ZBTB47: variants seen among roughly 807,000 people sequenced by gnomAD.
The protein encoded by ZBTB47 is zinc finger and BTB domain-containing protein 47.
A neutral mutation model predicts 56.6 loss-of-function variants in ZBTB47; 24 were observed. The observed-to-expected ratio is 0.42, with a 90% CI of 0.31 to 0.60. ZBTB47 has a LOEUF of 0.60. ZBTB47 is among the 20% of genes least tolerant of loss of function. The pLI is 0.14. For missense variants in ZBTB47, 829 were observed against 1,032.6 expected (o/e 0.80, Z 2.70); for synonymous variants, 414 against 418.9 (o/e 0.99, Z 0.14).
rs919180428 is a variant in ZBTB47, at chr3:42,663,523, G to A, written c.1738-274G>A. On this transcript the variant is annotated intron_variant, in intron 4 of 5. Coordinates refer to ENST00000232974, the MANE Select transcript of ZBTB47 (RefSeq NM_145166.4). This position sits in a 1 kb window ranked among gnomAD's most constrained non-coding sequence, Gnocchi z 5.1. ...ATCAGGAGGAAGGATGAGGGACCTC[G>A]TGCCTTAAGCATGGGGCTCCCTCTA... is the stretch of plus-strand genomic sequence containing the variant. 1.3e-5 allele frequency among the ~76,000 whole-genome samples: 2 copies of A among 152,026 alleles called. No individual in the cohort carries two copies. The highest frequency in any genetic ancestry group is 6.5e-5 in the Admixed American group (1 of 15,278).
In ZBTB47 at chr3:42,663,789, A is replaced by AC; in HGVS notation, c.1738-3dup. 2.5e-6 allele frequency: 4 copies of AC among 1,606,178 alleles called. 1 individual carries two copies. Among genetic ancestry groups the AC allele is most frequent in the South Asian group, 2.2e-5 (2 of 90,742 alleles). ...TGCCTGGGCCTCACCCCCAAACCCC[A>AC]CCCCCAGAACTGCAATGAGCGCTTC... On this transcript the variant is annotated splice_region_variant and splice_polypyrimidine_tract_variant and intron_variant, in intron 4 of 5. Transcript: ENST00000232974. The surrounding 1 kb of genome is among the most constrained non-coding windows in gnomAD (Gnocchi z 5.1).
upstream of ZBTB47, among the ~76,000 whole-genome samples, chr3:42,653,343 C>A (rs1468266484): frequency 6.6e-6 from 1 of 152,220 alleles, no homozygotes; most frequent in African/African-American, 2.4e-5. Context: ...GGAGATACTG[C>A]TGCAGCTGGA....
Position 42,656,742 on chromosome 3 carries a change from G to C in ZBTB47, c.-81-1533G>C, listed in dbSNP as rs1199399703. On this transcript the variant is annotated intron_variant, in intron 1 of 5. Transcript: ENST00000232974. This position sits in a 1 kb window ranked among gnomAD's most constrained non-coding sequence, Gnocchi z 5.8. ...GAGGCTCCTGCTGAGGCCCACGGTAGGTTTCTCATTCAGGTGACTGAGAAG... is the reference window on the plus strand; with the variant it reads ...GAGGCTCCTGCTGAGGCCCACGGTACGTTTCTCATTCAGGTGACTGAGAAG... Among the ~76,000 whole-genome samples the C allele has an allele frequency of 6.6e-6, 1 of 152,072 alleles. No homozygotes were observed. Among genetic ancestry groups the C allele is most frequent in the Admixed American group, 6.6e-5 (1 of 15,260 alleles).
chr3:42,659,878 A>G (rs1710692597), intron 2 of ZBTB47, 50 bp downstream of exon 2: 1 of 1,529,970 alleles, frequency 6.5e-7, no homozygotes, highest in African/African-American at 1.4e-5. Context: ...AGGTGGGGCT[A>G]GGCCATAACT....
chr3:42,664,000 G>T lies in ZBTB47; in HGVS notation c.1882+59G>T, dbSNP rs943224109. 2 of 1,550,388 alleles carry T rather than the reference G, an allele frequency of 1.3e-6. No individual in the cohort carries two copies. The highest frequency in any genetic ancestry group is 1.2e-5 in the South Asian group (1 of 83,480). On this transcript the variant is annotated intron_variant, in intron 5 of 5. Coordinates refer to ENST00000232974, the MANE Select transcript of ZBTB47 (RefSeq NM_145166.4). This position sits in a 1 kb window ranked among gnomAD's most constrained non-coding sequence, Gnocchi z 5.1. ...GGGCCTGGGACCCCTTCTCAGCCCC[G>T]CTCAGGACACCTGGAATAATCTTGG... is the stretch of plus-strand genomic sequence containing the variant.
chr3:42,653,392 G>T (rs1408070701), upstream of ZBTB47, among the ~76,000 whole-genome samples: 1 of 152,212 alleles, frequency 6.6e-6, no homozygotes, highest in Admixed American at 6.5e-5. Flanking sequence ...CATATGTGGG[G>T]AGGGGTGTGG....
At position 42,658,450 on chromosome 3, in the gene ZBTB47, A is replaced by G; in HGVS notation, c.95A>G (p.Lys32Arg). 1 of 1,537,000 alleles carries G rather than the reference A, an allele frequency of 6.5e-7. No homozygotes were observed. Residue 32 changes from lysine (K) to arginine (R), a missense_variant, in exon 2 of 6, where the codon AAG becomes AGG. By Grantham distance (26) the Lys-to-Arg change is conservative. This residue lies in a region of ZBTB47 where 120 missense variants were observed against 200.2 expected (regional missense o/e 0.60). Coordinates refer to ENST00000232974, the MANE Select transcript of ZBTB47 (RefSeq NM_145166.4). Reference protein sequence around the residue: ...VPQRSVFPAHKGVLAAYSQFF... With the variant: ...VPQRSVFPAHRGVLAAYSQFF... ...CAGCGCAGCGTCTTTCCGGCACACAAGGGTGTGCTAGCCGCCTACAGCCAG... is the reference window on the plus strand; with the variant it reads ...CAGCGCAGCGTCTTTCCGGCACACAGGGGTGTGCTAGCCGCCTACAGCCAG...
At chr3:42,655,910 G>A (rs1710636357) in intron 1 of ZBTB47, among the ~76,000 whole-genome samples, 1 of 152,244 alleles carries the variant, frequency 6.6e-6, no homozygotes, top group East Asian at 1.9e-4. Flanking sequence ...AGGCCAGAGG[G>A]CCAAAGTCAG....
intron 1 of ZBTB47, among the ~76,000 whole-genome samples, chr3:42,655,245 A>G (rs1332329229): frequency 1.3e-5 from 2 of 152,166 alleles, no homozygotes; most frequent in Non-Finnish European, 2.9e-5. Context: ...GGAGGAGCCT[A>G]GAGGTCATGA....
rs1443954689 is a variant in ZBTB47, at chr3:42,664,731, C to T, written c.*133C>T. ...CCACCTCCAGAAGTGGCTGGATGTA[C>T]CCTGCCTGAGGCCCCGACGAGGAGG... On this transcript the variant is annotated 3_prime_UTR_variant, in exon 6 of 6. Transcript: ENST00000232974. 37 of 1,126,846 alleles carry T rather than the reference C, an allele frequency of 3.3e-5. No homozygotes were observed. The highest frequency in any genetic ancestry group is 4.2e-5 in the Non-Finnish European group (37 of 874,178). The allele number at this position is 1,126,846 out of a possible 1,614,324, so 69.8% of individuals were successfully genotyped here.
Position 42,661,492 on chromosome 3 carries a change from C to T in ZBTB47, c.1481C>T (p.Thr494Ile). 6.2e-7 allele frequency: 1 copy of T among 1,613,880 alleles called. No homozygotes were observed. The highest frequency in any genetic ancestry group is 8.5e-7 in the Non-Finnish European group (1 of 1,179,838). Residue 494 changes from threonine to isoleucine, a missense_variant, in exon 3 of 6, where the codon ACA becomes ATA. By Grantham distance (89) the Thr-to-Ile change is moderately conservative. This residue lies in a region of ZBTB47 where 187 missense variants were observed against 253.1 expected (regional missense o/e 0.74). Transcript: ENST00000232974. ...TDCERNIQCV[T>I]CGKAFKKLWS... ...AGTCCTCTTATTCTGCAGTGTGTGA[C>T]ATGTGGCAAAGCTTTCAAGAAGCTT...
rs1434182952 is a variant in ZBTB47, at chr3:42,666,557, C to T, written c.*1959C>T. ...ATTTTCCCAAAAAAAGTTGATCTCT[C>T]CCAGTGGGCTGTAGGCAGGGTCCTC... On this transcript the variant is annotated 3_prime_UTR_variant, in exon 6 of 6. Transcript: ENST00000232974. Among the ~76,000 whole-genome samples, 5 of 152,194 alleles carry T rather than the reference C, an allele frequency of 3.3e-5. No homozygotes were observed. Among genetic ancestry groups the T allele is most frequent in the African/African-American group, 1.2e-4 (5 of 41,468 alleles).
intron 2 of ZBTB47, 34 bp from the exon 3 acceptor site, chr3:42,661,451 A>C: frequency 6.2e-7 from 1 of 1,606,860 alleles, no homozygotes; most frequent in Non-Finnish European, 8.5e-7. Context: ...CTGGGGACTC[A>C]GGACCCAGGG....
At position 42,659,845 on chromosome 3, in the gene ZBTB47, TG is replaced by T. The variant is rs779114323; in HGVS notation, c.1473+22del. 5.7e-6 allele frequency: 9 copies of T among 1,584,690 alleles called. No individual in the cohort carries two copies. In the South Asian group the frequency reaches 9.3e-5, roughly 16 times the overall value. On this transcript the variant is annotated intron_variant, in intron 2 of 5. Coordinates refer to ENST00000232974, the MANE Select transcript of ZBTB47 (RefSeq NM_145166.4). ...AACATCCAGGTGGGCCTCACGTGGCTGGGGGCAGGGCAGAGGCTGTCCAGGT... is the reference window on the plus strand; with the variant it reads ...AACATCCAGGTGGGCCTCACGTGGCTGGGGCAGGGCAGAGGCTGTCCAGGT...
At chr3:42,653,319 G>T (rs1710590054), upstream of ZBTB47, among the ~76,000 whole-genome samples, 3 of 152,206 alleles carry the variant, frequency 2.0e-5, no homozygotes, top group South Asian at 6.2e-4. Flanking sequence ...CTCGTGAGTA[G>T]GACAACATAC....
Sources: gnomAD v4.1 joint callset for allele counts (sites outside exome capture counted in the v4.1 genomes callset) on GRCh38, gnomAD v4.1.1 for gene constraint, gnomAD v4.1.1 regional missense constraint, Gnocchi (gnomAD v3.1) non-coding constraint, MANE v1.5 for transcripts, NCBI Gene and HGNC (gene_info 2026-07-23, HGNC 2026-07-21) for gene names.